Variants in PLXDC2 observed in about 807,000 individuals in gnomAD.
The protein encoded by PLXDC2 is plexin domain containing 2.
A neutral mutation model predicts 68.9 loss-of-function variants in PLXDC2; 40 were observed. The observed-to-expected ratio is 0.58, with a 90% CI of 0.45 to 0.76. PLXDC2 has a LOEUF of 0.76. Among genes scored for constraint, PLXDC2 ranks in the 30% least tolerant of loss-of-function variants. The pLI, the probability that PLXDC2 is intolerant of heterozygous loss-of-function variation, is 0.00. For synonymous variants in PLXDC2, 243 were observed against 234.2 expected (o/e 1.04, Z -0.34); for missense variants, 644 against 661.9 (o/e 0.97, Z 0.30).
At chr10:19,819,044 A>ACACACG (rs1175375411) in intron 1 of PLXDC2, among the ~76,000 whole-genome samples, 2 of 149,872 alleles carry the variant, frequency 1.3e-5, no homozygotes, top group African/African-American at 2.4e-5. Context: ...ACACACACAC[A>ACACACG]CACACACACA....
At chr10:19,902,170 A>G (rs760459339) in intron 1 of PLXDC2, among the ~76,000 whole-genome samples, 1 of 151,150 alleles carries the variant, frequency 6.6e-6, no homozygotes, top group Non-Finnish European at 1.5e-5. Context: ...TTCTGGTTCT[A>G]TATGAATTTT....
intron 4 of PLXDC2, among the ~76,000 whole-genome samples, chr10:20,126,410 C>CACACGTTATATATGTATATAG (rs1564325021): frequency 7.8e-5 from 2 of 25,662 alleles, no homozygotes; most frequent in African/African-American, 1.6e-4. Context: ...TATGTATATA[C>CACACGTTATATATGTATATAG]AACACACGTT....
chr10:19,836,637 T>G (rs1479495773), intron 1 of PLXDC2, among the ~76,000 whole-genome samples: 1 of 152,152 alleles, frequency 6.6e-6, no homozygotes, highest in African/African-American at 2.4e-5. Context: ...ATCAGTGAAG[T>G]CTGGGGCTAC....
At chr10:19,943,943 C>T (rs571787330) in intron 1 of PLXDC2, among the ~76,000 whole-genome samples, 9 of 152,278 alleles carry the variant, frequency 5.9e-5, no homozygotes, top group Non-Finnish European at 7.3e-5. Flanking sequence ...GATAGAATGT[C>T]GCCTTTGCAC....
At chr10:19,829,317 G>A (rs958919138) in intron 1 of PLXDC2, among the ~76,000 whole-genome samples, 14 of 152,038 alleles carry the variant, frequency 9.2e-5, no homozygotes, top group East Asian at 3.9e-4. Flanking sequence ...CTAGCTCCAA[G>A]CATAGGAAGC....
chr10:19,822,922 CT>C (rs527402042), intron 1 of PLXDC2, among the ~76,000 whole-genome samples: 43 of 148,040 alleles, frequency 2.9e-4, no homozygotes, highest in Admixed American at 3.4e-4. Flanking sequence ...TGTTTACTTA[CT>C]TTTTTTTTTT....
intron 1 of PLXDC2, among the ~76,000 whole-genome samples, chr10:19,873,415 T>TC (rs1443047141): frequency 6.7e-6 from 1 of 149,124 alleles, no homozygotes; most frequent in East Asian, 1.9e-4. Context: ...TCTTTTTTTT[T>TC]TTTTTTTTTT....
intron 2 of PLXDC2, among the ~76,000 whole-genome samples, chr10:20,005,791 C>A (rs1007752605): frequency 6.6e-5 from 10 of 152,102 alleles, no homozygotes; most frequent in African/African-American, 1.9e-4. Flanking sequence ...CAGACACCTC[C>A]CACCAGGCCC....
chr10:19,859,414 T>C lies in PLXDC2; in HGVS notation c.112+42223T>C, dbSNP rs114673219. Among the ~76,000 whole-genome samples, 721 of 152,324 alleles carry C rather than the reference T, an allele frequency of 4.7e-3. 7 individuals carry two copies. The highest frequency in any genetic ancestry group is 0.015 in the African/African-American group (633 of 41,572). ...CTACAATTTTTCTTGTTTCCAACAC[T>C]CTTTTTTCAGACTGTACCTTTTGGT... On this transcript the variant is annotated intron_variant, in intron 1 of 13. Transcript: ENST00000377252.
chr10:20,064,890 T>C (rs972781736), intron 3 of PLXDC2, among the ~76,000 whole-genome samples: 25 of 86,950 alleles, frequency 2.9e-4, no homozygotes, highest in African/African-American at 1.0e-3. Context: ...TTTGTTTTTG[T>C]TTTTTGTTTT....
chr10:19,908,167 GTTA>G (rs1833201423), intron 1 of PLXDC2, among the ~76,000 whole-genome samples: 1 of 151,934 alleles, frequency 6.6e-6, no homozygotes, highest in Non-Finnish European at 1.5e-5. Context: ...TGTTTTCATT[GTTA>G]TTATACCACA....
At position 20,279,725 on chromosome 10, in the gene PLXDC2, C is replaced by A. The variant is rs758306769; in HGVS notation, c.1496C>A (p.Ala499Glu). 6.2e-7 allele frequency: 1 copy of A among 1,613,636 alleles called. No individual in the cohort carries two copies. Among genetic ancestry groups the A allele is most frequent in the Non-Finnish European group, 8.5e-7 (1 of 1,179,872 alleles). The change falls in exon 14 of 14, where the codon GCG becomes GAG. Residue 499 changes from alanine (A) to glutamate (E), a missense_variant. This residue lies in a region of PLXDC2 where 330 missense variants were observed against 327.9 expected (regional missense o/e 1.01). Transcript: ENST00000377252. ...FIERRPSRWP[A>E]MKFRRGSGHP... ...CAGAGACGCCCAAGCAGATGGCCTG[C>A]GATGAAGTTTAGAAGAGGCTCTGGA... is the stretch of plus-strand genomic sequence containing the variant.
chr10:20,147,110 A>G lies in PLXDC2; in HGVS notation c.665-674A>G, dbSNP rs565492153. ...TGTTTCAGTTTTTATTTCATGCCCA[A>G]TCGTTTATGGTAAACACTGACAGAG... On this transcript the variant is annotated intron_variant, in intron 5 of 13. Coordinates refer to ENST00000377252, the MANE Select transcript of PLXDC2 (RefSeq NM_032812.9). Among the ~76,000 whole-genome samples the G allele has an allele frequency of 9.4e-4, 143 of 152,284 alleles. 1 individual carries two copies. Among genetic ancestry groups the G allele is most frequent in the African/African-American group, 3.2e-3 (135 of 41,552 alleles).
At chr10:19,831,597 C>T (rs1175751261) in intron 1 of PLXDC2, among the ~76,000 whole-genome samples, 3 of 152,150 alleles carry the variant, frequency 2.0e-5, no homozygotes, top group African/African-American at 7.2e-5. Flanking sequence ...ACTCTCCGCC[C>T]TCAGATAGAC....
chr10:20,053,413 G>A (rs781412777), intron 3 of PLXDC2, among the ~76,000 whole-genome samples: 1 of 152,108 alleles, frequency 6.6e-6, no homozygotes, highest in Non-Finnish European at 1.5e-5. Context: ...AAGCAACGAG[G>A]CAGGCACTTT....
intron 1 of PLXDC2, among the ~76,000 whole-genome samples, chr10:19,883,238 AGGC>A (rs1837768443): frequency 6.6e-6 from 1 of 152,100 alleles, no homozygotes; most frequent in Admixed American, 6.6e-5. Context: ...CTGGGATTAC[AGGC>A]GTGAGCCACC....
rs140859600 is a variant in PLXDC2, at chr10:19,996,193, C to T, written c.113-5582C>T. On this transcript the variant is annotated intron_variant, in intron 1 of 13. Transcript: ENST00000377252. ...CCGTGGCTCACTTCTATAATCCCAG[C>T]ACTTTGGGAGGCCAAGGTGGGAGGA... Among the ~76,000 whole-genome samples the T allele has an allele frequency of 3.3e-4, 51 of 152,306 alleles. 1 individual carries two copies. The East Asian group carries it at 9.3e-3, about 28-fold the overall frequency.
At chr10:19,895,998 T>A (rs567761010) in intron 1 of PLXDC2, among the ~76,000 whole-genome samples, 5 of 152,196 alleles carry the variant, frequency 3.3e-5, no homozygotes, top group Non-Finnish European at 7.3e-5. Context: ...AGGAAGGTCC[T>A]GGAGCAGGTC....
At chr10:19,825,366 A>G (rs527272177) in intron 1 of PLXDC2, among the ~76,000 whole-genome samples, 20 of 152,300 alleles carry the variant, frequency 1.3e-4, no homozygotes, top group African/African-American at 4.3e-4. Flanking sequence ...TTGAAAGTCA[A>G]TTCTCTATGT....
Sources: gnomAD v4.1 joint callset for allele counts (sites outside exome capture counted in the v4.1 genomes callset) on GRCh38, gnomAD v4.1.1 for gene constraint, gnomAD v4.1.1 regional missense constraint, MANE v1.5 for transcripts, NCBI Gene and HGNC (gene_info 2026-07-23, HGNC 2026-07-21) for gene names.